Variants in RAD51AP1 observed in about 807,000 individuals in gnomAD.
RAD51AP1 encodes the protein RAD51 associated protein 1.
A neutral mutation model predicts 34.3 loss-of-function variants in RAD51AP1; 14 were observed. That is an observed-to-expected ratio of 0.41 (90% CI 0.27 to 0.64). The LOEUF is 0.64. Among genes scored for constraint, RAD51AP1 ranks in the 30% least tolerant of loss-of-function variants. The pLI is 0.33. For missense variants in RAD51AP1, 348 were observed against 386.9 expected, an observed-to-expected ratio of 0.90 and a Z score of 0.84; for synonymous variants, 114 against 129.8, an observed-to-expected ratio of 0.88 and a Z score of 0.83.
intron 1 of RAD51AP1, 103 bp downstream of exon 1, chr12:4,539,059 G>T (rs551428957): frequency 3.1e-6 from 4 of 1,297,684 alleles, no homozygotes; most frequent in Admixed American, 3.7e-5. Context: ...AGCGATGGTG[G>T]GGTTAGGATG....
At position 4,559,033 on chromosome 12, in the gene RAD51AP1, C is replaced by T. The variant is rs1565528636; in HGVS notation, c.*40C>T. 6.2e-7 allele frequency: 1 copy of T among 1,602,540 alleles called. No individual in the cohort carries two copies. The highest frequency in any genetic ancestry group is 1.1e-5 in the South Asian group (1 of 90,382). On this transcript the variant is annotated 3_prime_UTR_variant, in exon 9 of 9. Transcript: ENST00000352618. ...GAATGTTTGGTTGGGAGAATCACAG[C>T]TTTACAAGGGTGTTTATATTTGATT...
intron 7 of RAD51AP1, among the ~76,000 whole-genome samples, chr12:4,553,635 G>A (rs966920264): frequency 7.3e-6 from 1 of 137,118 alleles, no homozygotes; most frequent in Non-Finnish European, 1.6e-5. Flanking sequence ...CATGTTTAGG[G>A]CCCTTTTTTT....
intron 6 of RAD51AP1, chr12:4,550,618 T>C (rs921863087): frequency 1.3e-5 from 2 of 152,478 alleles, no homozygotes; most frequent in East Asian, 1.9e-4. Flanking sequence ...TTGAAGATCA[T>C]AATGACATTG....
chr12:4,552,675 C>T (rs1944554605), intron 6 of RAD51AP1, among the ~76,000 whole-genome samples: 1 of 152,162 alleles, frequency 6.6e-6, no homozygotes, highest in African/African-American at 2.4e-5. Context: ...TTATTTTGCT[C>T]AGTATATTGC....
rs754787242 is a variant in RAD51AP1 at position 4,558,938 on chromosome 12, G to T, written c.953G>T (p.Gly318Val). ...VKSPNQSLRL[G>V]LSRLARVKPL... ...TCTCCCAATCAGAGTCTCCGCCTTG[G>T]CTTGTCCAGATTAGCACGAGTTAAA... The change falls in exon 9 of 9, where the codon GGC becomes GTC. Residue 318 changes from glycine (G) to valine (V), a missense_variant. Physicochemically the swap from Gly to Val is moderately radical, Grantham distance 109. Transcript: ENST00000352618. 3.1e-6 allele frequency: 5 copies of T among 1,614,006 alleles called. No individual in the cohort carries two copies. The highest frequency in any genetic ancestry group is 1.7e-5 in the Admixed American group (1 of 59,998).
intron 1 of RAD51AP1, among the ~76,000 whole-genome samples, chr12:4,539,711 T>C (rs1303164979): frequency 6.6e-6 from 1 of 152,202 alleles, no homozygotes; most frequent in East Asian, 1.9e-4. Context: ...CAAGGCCCCA[T>C]ACTTGACCAT....
At chr12:4,551,921 G>A (rs888867839) in intron 6 of RAD51AP1, among the ~76,000 whole-genome samples, 1 of 152,158 alleles carries the variant, frequency 6.6e-6, no homozygotes, top group African/African-American at 2.4e-5. Flanking sequence ...GTCTACTGTG[G>A]TATAGGTTTG....
Position 4,541,918 on chromosome 12 carries a change from C to A in RAD51AP1, c.52C>A (p.His18Asn). The A allele has an allele frequency of 6.6e-7, 1 of 1,525,188 alleles. No individual in the cohort carries two copies. Among genetic ancestry groups the A allele is most frequent in the South Asian group, 1.4e-5 (1 of 73,488 alleles). The allele number at this position is 1,525,188 out of a possible 1,614,324, so 94.5% of individuals were successfully genotyped here. Residue 18 changes from histidine (H) to asparagine (N), a missense_variant, in exon 2 of 9, where the codon CAC becomes AAC. Physicochemically the swap from His to Asn is moderately conservative, Grantham distance 68. Transcript: ENST00000352618. ...KKPVNYSQFDHSDSDDDFVSA... is the reference protein window; with the variant it reads ...KKPVNYSQFDNSDSDDDFVSA... ...ACCAGTCAATTACTCACAGTTTGAC[C>A]ACTCTGACAGTGATGGTAAGTAAAG...
chr12:4,556,661 T>C, intron 8 of RAD51AP1, 159 bp downstream of exon 8: 1 of 738,248 alleles, frequency 1.4e-6, no homozygotes, highest in Non-Finnish European at 2.1e-6. Flanking sequence ...TATTTAACCA[T>C]TCCTTATTAT....
intron 3 of RAD51AP1, 140 bp from the exon 4 acceptor site, chr12:4,546,169 G>A (rs1944504692): frequency 1.6e-6 from 1 of 629,852 alleles, no homozygotes; most frequent in Non-Finnish European, 2.8e-6. Context: ...ATCATCAAAG[G>A]TCTATTAATG....
chr12:4,557,553 CA>C (rs1944591064), intron 8 of RAD51AP1, among the ~76,000 whole-genome samples: 1 of 151,964 alleles, frequency 6.6e-6, no homozygotes, highest in Non-Finnish European at 1.5e-5. Flanking sequence ...TCATATCATT[CA>C]AAGAGTAATA....
chr12:4,555,942 C>T (rs1944578979), intron 7 of RAD51AP1, among the ~76,000 whole-genome samples: 1 of 152,158 alleles, frequency 6.6e-6, no homozygotes, highest in East Asian at 1.9e-4. Context: ...ACCCTAGAGC[C>T]TGACACATAA....
In RAD51AP1 at chr12:4,547,169, G is replaced by C. The variant is rs59089984; in HGVS notation, c.319+751G>C. On this transcript the variant is annotated intron_variant, in intron 4 of 8. Transcript: ENST00000352618. The stretch of plus-strand genomic sequence containing the variant: ...TACAACCTTGACCTCCTAGGCTCAA[G>C]CAGTCCTCCTGCCTCAGCCTCCTGA... Among the ~76,000 whole-genome samples the C allele has an allele frequency of 6.2e-3, 938 of 152,310 alleles. 9 individuals are homozygous for C. The highest frequency in any genetic ancestry group is 0.022 in the African/African-American group (913 of 41,560).
At chr12:4,541,013 T>C (rs181908397) in intron 1 of RAD51AP1, among the ~76,000 whole-genome samples, 2 of 152,336 alleles carry the variant, frequency 1.3e-5, no homozygotes, top group East Asian at 3.9e-4. Flanking sequence ...ACATTTTATT[T>C]AGTGCCTAGA....
intron 3 of RAD51AP1, chr12:4,545,131 C>CT: frequency 2.4e-6 from 1 of 409,506 alleles, no homozygotes; most frequent in Non-Finnish European, 4.8e-6. Flanking sequence ...TTCATAATAG[C>CT]TAAAAAAAAA....
rs1281319334 is a variant in RAD51AP1 at position 4,556,400 on chromosome 12, T to C, written c.769T>C (p.Ser257Pro). ...AGCTGCCGTCAAATCAGAATCTCAGTCCTTGCCAAAAAAGGTTTCTCTGTC... is the reference window on the plus strand; with the variant it reads ...AGCTGCCGTCAAATCAGAATCTCAGCCCTTGCCAAAAAAGGTTTCTCTGTC... ...APAAVKSESQ[S>P]LPKKVSLSSD... The change falls in exon 8 of 9, where the codon TCC becomes CCC. Residue 257 changes from serine (S) to proline (P), a missense_variant. Transcript: ENST00000352618. 1.2e-6 allele frequency: 2 copies of C among 1,613,752 alleles called. No homozygotes were observed. Among genetic ancestry groups the C allele is most frequent in the Non-Finnish European group, 1.7e-6 (2 of 1,179,722 alleles).
At chr12:4,550,880 T>G (rs1364854445) in intron 6 of RAD51AP1, among the ~76,000 whole-genome samples, 3 of 152,184 alleles carry the variant, frequency 2.0e-5, no homozygotes, top group African/African-American at 7.2e-5. Flanking sequence ...CCTCATGTGA[T>G]CCACCTGCTT....
intron 3 of RAD51AP1, among the ~76,000 whole-genome samples, chr12:4,545,551 T>A (rs1461321605): frequency 6.6e-6 from 1 of 152,244 alleles, no homozygotes; most frequent in East Asian, 1.9e-4. Context: ...AGGTAAACTT[T>A]ATGATATGTG....
intron 4 of RAD51AP1, among the ~76,000 whole-genome samples, chr12:4,547,740 A>T (rs781071787): frequency 4.6e-5 from 7 of 152,202 alleles, no homozygotes; most frequent in Non-Finnish European, 1.0e-4. Context: ...TATATTAGGC[A>T]CAATAATAAG....
Sources: gnomAD v4.1 joint callset for allele counts (sites outside exome capture counted in the v4.1 genomes callset) on GRCh38, gnomAD v4.1.1 for gene constraint, MANE v1.5 for transcripts, NCBI Gene and HGNC (gene_info 2026-07-23, HGNC 2026-07-21) for gene names.